AHI1: variants seen among roughly 807,000 people sequenced by gnomAD.
AHI1 encodes jouberin.
Under a neutral mutation model 149.3 loss-of-function variants are expected in AHI1, and 123 were observed. The ratio of observed to expected loss-of-function variants is 0.82; its 90% CI spans 0.71 to 0.96. AHI1 has a LOEUF of 0.96. Among genes scored for constraint, AHI1 ranks in the 40% least tolerant of loss-of-function variants. The pLI is 0.00. For missense variants in AHI1, 1,439 were observed against 1,422.7 expected, an observed-to-expected ratio of 1.01 and a Z score of -0.18; for synonymous variants, 475 against 459.8, an observed-to-expected ratio of 1.03 and a Z score of -0.42.
chr6:135,452,368 T>C (rs1454672070), intron 11 of AHI1, among the ~76,000 whole-genome samples: 1 of 152,236 alleles, frequency 6.6e-6, no homozygotes, highest in African/African-American at 2.4e-5. Context: ...TAAACATCAA[T>C]CTACGCCTTT....
At chr6:135,492,447 T>G (rs1795375589) in intron 3 of AHI1, 156 bp from the exon 4 acceptor site, 2 of 1,261,228 alleles carry the variant, frequency 1.6e-6, no homozygotes, top group African/African-American at 1.5e-5. Context: ...TGCAAATGAC[T>G]TGGGTACATT....
intron 23 of AHI1, among the ~76,000 whole-genome samples, chr6:135,374,493 A>G (rs1483937588): frequency 1.3e-5 from 2 of 152,124 alleles, no homozygotes; most frequent in African/African-American, 4.8e-5. Flanking sequence ...AAGGTAAACT[A>G]TGTTTTGCAG....
intron 28 of AHI1, among the ~76,000 whole-genome samples, chr6:135,287,467 G>A (rs1165895673): frequency 6.6e-6 from 1 of 152,194 alleles, no homozygotes; most frequent in Admixed American, 6.5e-5. Context: ...GGCTCCTCCT[G>A]ACGATGGGAG....
intron 12 of AHI1, among the ~76,000 whole-genome samples, chr6:135,447,925 G>A (rs6907833): frequency 0.03 from 4,609 of 152,218 alleles, 261 homozygotes; most frequent in African/African-American, 0.1. Flanking sequence ...ATATGTCTAT[G>A]TAGCTATTTT....
In AHI1 at chr6:135,284,428, A is replaced by C. The variant is rs1366817311; in HGVS notation, c.*1217T>G. The C allele has an allele frequency of 1.3e-5, 2 of 152,164 alleles. No homozygotes were observed. The highest frequency in any genetic ancestry group is 1.5e-5 in the Non-Finnish European group (1 of 68,028). 9.4% of individuals were successfully genotyped at this position (152,164 alleles called of 1,614,324 possible). A position where few individuals can be genotyped will look rare whatever the true frequency, so the allele number is the denominator to read the frequency against. ...GGATAGGTCTTTCTAATTTTATATT[A>C]GTTTTCACTTTCTTGGGGTTAAATA... On this transcript the variant is annotated 3_prime_UTR_variant, in exon 29 of 29. Transcript: ENST00000265602.
intron 20 of AHI1, among the ~76,000 whole-genome samples, chr6:135,419,363 T>C (rs995554001): frequency 6.6e-6 from 1 of 152,118 alleles, no homozygotes; most frequent in African/African-American, 2.4e-5. Context: ...AAATGTGTCA[T>C]ACATACCCTG....
At chr6:135,369,247 T>A (rs913606431) in intron 23 of AHI1, among the ~76,000 whole-genome samples, 2 of 152,194 alleles carry the variant, frequency 1.3e-5, no homozygotes, top group Non-Finnish European at 2.9e-5. Context: ...TCTCACTCTT[T>A]GGGCACTAAG....
intron 27 of AHI1, among the ~76,000 whole-genome samples, chr6:135,298,672 T>G (rs1226528546): frequency 1.3e-5 from 2 of 152,110 alleles, no homozygotes; most frequent in Non-Finnish European, 2.9e-5. Flanking sequence ...TAGATGAACT[T>G]GGGCATTTAG....
At chr6:135,378,998 T>C (rs1382521945) in intron 23 of AHI1, among the ~76,000 whole-genome samples, 2 of 152,176 alleles carry the variant, frequency 1.3e-5, no homozygotes, top group African/African-American at 4.8e-5. Context: ...ATACCACACA[T>C]ATACCAATGA....
chr6:135,387,950 G>A, intron 23 of AHI1: 1 of 1,612,798 alleles, frequency 6.2e-7, no homozygotes, highest in Non-Finnish European at 8.5e-7. Flanking sequence ...TCCCAGGTCG[G>A]CTCAGTTCTT....
chr6:135,384,273 A>G lies in AHI1; in HGVS notation c.3109+10503T>C, dbSNP rs560650678. 3.9e-5 allele frequency among the ~76,000 whole-genome samples: 6 copies of G among 152,326 alleles called. No homozygotes were observed. In the East Asian group the frequency reaches 1.2e-3, roughly 29 times the overall value. On this transcript the variant is annotated intron_variant, in intron 23 of 28. Transcript: ENST00000265602. ...TTTAAAATAAAAACATTCAATGATT[A>G]AAGTAGTTCTGAATATAGTTATAAA... is the stretch of plus-strand genomic sequence containing the variant.
intron 23 of AHI1, among the ~76,000 whole-genome samples, chr6:135,387,296 C>G (rs1777748843): frequency 6.6e-6 from 1 of 152,176 alleles, no homozygotes; most frequent in South Asian, 2.1e-4. Flanking sequence ...TGGTCAAATT[C>G]TAAGAGAAAC....
intron 23 of AHI1, among the ~76,000 whole-genome samples, chr6:135,379,477 A>G (rs1022787178): frequency 6.6e-6 from 1 of 152,118 alleles, no homozygotes; most frequent in Non-Finnish European, 1.5e-5. Flanking sequence ...TAGTTCACAT[A>G]CTGTCTTCTC....
intron 13 of AHI1, 57 bp downstream of exon 13, chr6:135,446,951 A>G: frequency 2.0e-6 from 3 of 1,510,680 alleles, no homozygotes; most frequent in Non-Finnish European, 2.7e-6. Context: ...GAGTTATTGG[A>G]GTTTTTAAGG....
At chr6:135,484,108 G>A (rs938629728) in intron 5 of AHI1, among the ~76,000 whole-genome samples, 1 of 152,140 alleles carries the variant, frequency 6.6e-6, no homozygotes, top group Non-Finnish European at 1.5e-5. Context: ...GAGAGAGCTT[G>A]TGCAGGGAAA....
At chr6:135,451,732 G>T (rs1393882860) in intron 11 of AHI1, among the ~76,000 whole-genome samples, 2 of 152,100 alleles carry the variant, frequency 1.3e-5, no homozygotes, top group Admixed American at 1.3e-4. Flanking sequence ...CTTCCTAAGT[G>T]CAACTTACAG....
intron 13 of AHI1, among the ~76,000 whole-genome samples, chr6:135,444,654 A>C (rs1448239532): frequency 6.6e-6 from 1 of 152,230 alleles, no homozygotes; most frequent in Non-Finnish European, 1.5e-5. Context: ...GATGCTTTAC[A>C]TTCTTGGAAC....
At chr6:135,323,363 T>C in intron 24 of AHI1, 39 bp from the exon 25 acceptor site, 1 of 1,591,686 alleles carries the variant, frequency 6.3e-7, no homozygotes, top group Non-Finnish European at 8.6e-7. Context: ...TTATCACAAC[T>C]GTACCACAGA....
chr6:135,410,174 C>A (rs1583088485), intron 21 of AHI1, among the ~76,000 whole-genome samples: 2 of 152,096 alleles, frequency 1.3e-5, no homozygotes, highest in Admixed American at 6.6e-5. Flanking sequence ...GGAGACCAGC[C>A]TGGGCTACAT....
Sources: allele counts gnomAD v4.1 joint callset (sites outside exome capture counted in the v4.1 genomes callset), GRCh38; gene constraint gnomAD v4.1.1; transcripts MANE v1.5; gene names NCBI Gene and HGNC (gene_info 2026-07-23, HGNC 2026-07-21).